EFCAB6: variants seen among roughly 807,000 people sequenced by gnomAD.
EFCAB6 encodes the protein EF-hand calcium binding domain 6, also known as EF-hand calcium-binding domain-containing protein 6.
EFCAB6 carries 156 observed loss-of-function variants against 169.8 expected under a neutral mutation model. The ratio of observed to expected loss-of-function variants is 0.92; its 90% CI spans 0.81 to 1.05. EFCAB6 has a LOEUF of 1.05. Ranked by LOEUF, EFCAB6 falls within the 50% of genes least tolerant of loss-of-function variation. The pLI, the probability that EFCAB6 is intolerant of heterozygous loss-of-function variation, is 0.00. For synonymous variants in EFCAB6, 698 were observed against 676.4 expected, an observed-to-expected ratio of 1.03 and a Z score of -0.50; for missense variants, 1,800 against 1,829.1, an observed-to-expected ratio of 0.98 and a Z score of 0.29.
intron 27 of EFCAB6, among the ~76,000 whole-genome samples, chr22:43,542,051 G>C (rs1473627226): frequency 6.6e-6 from 1 of 152,264 alleles, no homozygotes; most frequent in African/African-American, 2.4e-5. Context: ...CATGGAGCAG[G>C]AGAGGACGAG....
At chr22:43,586,894 C>T (rs564164617) in intron 24 of EFCAB6, among the ~76,000 whole-genome samples, 3 of 152,098 alleles carry the variant, frequency 2.0e-5, no homozygotes, top group East Asian at 1.9e-4. Flanking sequence ...GTTTGGGGAC[C>T]GCTGGCATAA....
At chr22:43,752,672 C>T (rs1025493547) in intron 6 of EFCAB6, among the ~76,000 whole-genome samples, 5 of 152,088 alleles carry the variant, frequency 3.3e-5, no homozygotes, top group Non-Finnish European at 7.4e-5. Context: ...AAAGGGCCCA[C>T]TGAAAAAAAT....
At chr22:43,802,652 G>C (rs2062767306) in intron 2 of EFCAB6, 7 of 494,586 alleles carry the variant, frequency 1.4e-5, no homozygotes, top group Non-Finnish European at 2.8e-5. Flanking sequence ...AAAGAAGAGA[G>C]AGAAGGTACA....
At chr22:43,750,151 T>A (rs1245951589) in intron 6 of EFCAB6, among the ~76,000 whole-genome samples, 6 of 152,174 alleles carry the variant, frequency 3.9e-5, no homozygotes, top group Non-Finnish European at 5.9e-5. Flanking sequence ...CCGAAATAAT[T>A]GCAAATTCTG....
At chr22:43,639,205 G>A (rs1459637701) in intron 17 of EFCAB6, among the ~76,000 whole-genome samples, 1 of 152,206 alleles carries the variant, frequency 6.6e-6, no homozygotes, top group Non-Finnish European at 1.5e-5. Context: ...TATTTAATCA[G>A]CAATTTACCA....
intron 5 of EFCAB6, among the ~76,000 whole-genome samples, chr22:43,757,531 C>T (rs1361791365): frequency 2.0e-5 from 3 of 152,154 alleles, no homozygotes; most frequent in East Asian, 3.8e-4. Context: ...CGGACAACAA[C>T]AGCGAAACTC....
chr22:43,600,444 T>TTCA (rs779750410), intron 22 of EFCAB6, among the ~76,000 whole-genome samples, 181 bp from the exon 23 acceptor site: 33 of 152,118 alleles, frequency 2.2e-4, no homozygotes, highest in Non-Finnish European at 4.4e-4. Context: ...AATGCGTGAG[T>TTCA]TCAGGCCTCA....
intron 17 of EFCAB6, among the ~76,000 whole-genome samples, chr22:43,637,362 T>C (rs755709339): frequency 6.6e-6 from 1 of 152,240 alleles, no homozygotes; most frequent in Non-Finnish European, 1.5e-5. Flanking sequence ...TTTGGTGTCA[T>C]CCTTTTTGGT....
chr22:43,575,945 T>C (rs1311173705), intron 26 of EFCAB6, among the ~76,000 whole-genome samples: 1 of 152,204 alleles, frequency 6.6e-6, no homozygotes, highest in Non-Finnish European at 1.5e-5. Flanking sequence ...GCTGTTATTA[T>C]TAACCTGAAA....
At chr22:43,771,197 A>G (rs749459731) in intron 4 of EFCAB6, among the ~76,000 whole-genome samples, 3 of 152,178 alleles carry the variant, frequency 2.0e-5, no homozygotes, top group Non-Finnish European at 4.4e-5. Flanking sequence ...TTGGGAGGCC[A>G]AGGCAGACTG....
chr22:43,723,449 A>T (rs567063779), intron 8 of EFCAB6, among the ~76,000 whole-genome samples: 1 of 152,304 alleles, frequency 6.6e-6, no homozygotes, highest in African/African-American at 2.4e-5. Context: ...GAATTTTTTT[A>T]AAAAAGAGAC....
At chr22:43,611,864 T>G (rs1423603584) in intron 21 of EFCAB6, among the ~76,000 whole-genome samples, 1 of 152,102 alleles carries the variant, frequency 6.6e-6, no homozygotes, top group Non-Finnish European at 1.5e-5. Context: ...AAGGCAATCC[T>G]AAGCAAAATG....
chr22:43,575,651 A>C (rs567013177), intron 26 of EFCAB6, among the ~76,000 whole-genome samples: 1 of 152,266 alleles, frequency 6.6e-6, no homozygotes, highest in South Asian at 2.1e-4. Context: ...ACAATAGTGT[A>C]TTTTGTTTAG....
intron 27 of EFCAB6, among the ~76,000 whole-genome samples, chr22:43,542,044 G>A (rs187241751): frequency 1.3e-3 from 198 of 152,386 alleles, no homozygotes; most frequent in African/African-American, 4.6e-3. Context: ...GCCCTCTCAT[G>A]GAGCAGGAGA....
chr22:43,538,851 A>C lies in EFCAB6; in HGVS notation c.3879+1276T>G, dbSNP rs1319809831. On this transcript the variant is annotated intron_variant, in intron 28 of 31. Transcript: ENST00000262726. ...GATTTCCGTGAATTTAGTGGCTTAA[A>C]ACAACACCAACTTATTATCTTACAG... Among the ~76,000 whole-genome samples the C allele has an allele frequency of 5.6e-4, 86 of 152,328 alleles. No individual in the cohort carries two copies. In the East Asian group the frequency reaches 0.014, roughly 25 times the overall value.
chr22:43,731,913 T>A, intron 7 of EFCAB6, 102 bp from the exon 8 acceptor site: 1 of 590,876 alleles, frequency 1.7e-6, no homozygotes, highest in Non-Finnish European at 2.7e-6. Context: ...TTAATTTTAA[T>A]GTCTGTTTCT....
intron 18 of EFCAB6, among the ~76,000 whole-genome samples, chr22:43,633,114 G>T (rs1180921352): frequency 6.6e-6 from 1 of 152,150 alleles, no homozygotes; most frequent in African/African-American, 2.4e-5. Context: ...GAGGCTCAGG[G>T]GTCCCCGGCT....
At chr22:43,721,182 T>G (rs2059510972) in intron 8 of EFCAB6, among the ~76,000 whole-genome samples, 2 of 151,964 alleles carry the variant, frequency 1.3e-5, no homozygotes, top group Non-Finnish European at 2.9e-5. Flanking sequence ...AGGTGAAAGA[T>G]CTCTACAAGA....
At chr22:43,690,040 A>C (rs113938625) in intron 10 of EFCAB6, among the ~76,000 whole-genome samples, 2,876 of 152,270 alleles carry the variant, frequency 0.019, 92 homozygotes, top group African/African-American at 0.066. Context: ...TGCCCAGTTC[A>C]ACTTAGGTTA....
Sources: gnomAD v4.1 joint callset for allele counts (sites outside exome capture counted in the v4.1 genomes callset) on GRCh38, gnomAD v4.1.1 for gene constraint, MANE v1.5 for transcripts, NCBI Gene and HGNC (gene_info 2026-07-23, HGNC 2026-07-21) for gene names.